GPC5: variants seen among roughly 807,000 people sequenced by gnomAD.
The protein encoded by GPC5 is glypican 5.
In GPC5, 47 loss-of-function variants were observed where a neutral mutation model predicts 53.9. The ratio of observed to expected loss-of-function variants is 0.87; its 90% CI spans 0.69 to 1.11. GPC5 has a LOEUF of 1.11. Among genes scored for constraint, GPC5 ranks in the 50% most tolerant of loss-of-function variants. The probability of loss-of-function intolerance (pLI) is 0.00; values close to 1 mark genes in which losing one functional copy is unlikely to be tolerated. For synonymous variants in GPC5, 286 were observed against 263.3 expected, an observed-to-expected ratio of 1.09 and a Z score of -0.84; for missense variants, 748 against 713.1, an observed-to-expected ratio of 1.05 and a Z score of -0.56.
chr13:91,492,536 T>C (rs562500007), intron 2 of GPC5, among the ~76,000 whole-genome samples: 1 of 152,230 alleles, frequency 6.6e-6, no homozygotes, highest in African/African-American at 2.4e-5. Context: ...AGAGACTGAG[T>C]TCGCCTTTTT....
chr13:91,770,743 C>T lies in GPC5; in HGVS notation c.1280+14323C>T, dbSNP rs1013630393. Among the ~76,000 whole-genome samples, 19 of 83,848 alleles carry T rather than the reference C, an allele frequency of 2.3e-4. No homozygotes were observed. In the East Asian group the frequency reaches 2.8e-3, roughly 12 times the overall value. 55.0% of individuals were successfully genotyped at this position (83,848 alleles called of 152,430 possible). ...GTGTGTGTGTGTGTGTGTGTGTATG[C>T]ATATGCATATTTCTTATTTCACACA... On this transcript the variant is annotated intron_variant, in intron 5 of 7. Transcript: ENST00000377067.
chr13:91,693,242 CA>C lies in GPC5; in HGVS notation c.382del (p.Ser128ValfsTer36). On this transcript the variant is annotated frameshift_variant, in exon 3 of 8. Transcript: ENST00000377067. LOFTEE classifies it high-confidence loss of function. ...AAAATTACACCAGTATACTTTTTTG[CA>C]GTACCTACAGGAACATGGCCTTGGA... The part of the protein sequence containing the change: ...AENYTSILFC[S>X]TYRNMALEAA... The C allele has an allele frequency of 1.2e-6, 2 of 1,612,890 alleles. No individual in the cohort carries two copies. Among genetic ancestry groups the C allele is most frequent in the Non-Finnish European group, 1.7e-6 (2 of 1,179,682 alleles).
intron 1 of GPC5, among the ~76,000 whole-genome samples, chr13:91,413,728 A>G (rs1052359849): frequency 3.3e-5 from 5 of 152,154 alleles, no homozygotes; most frequent in African/African-American, 1.2e-4. Context: ...TATCCTGATC[A>G]TCTTGGCTCT....
At chr13:91,596,627 A>T (rs1426965858) in intron 2 of GPC5, among the ~76,000 whole-genome samples, 1 of 151,918 alleles carries the variant, frequency 6.6e-6, no homozygotes, top group Non-Finnish European at 1.5e-5. Flanking sequence ...TTGTTCTGGG[A>T]TACAGTTAAG....
At chr13:92,142,608 A>T (rs2138980758) in intron 6 of GPC5, among the ~76,000 whole-genome samples, 1 of 152,340 alleles carries the variant, frequency 6.6e-6, no homozygotes, top group Non-Finnish European at 1.5e-5. Flanking sequence ...ATCACTTTCA[A>T]CCAAAATCAA....
chr13:92,126,542 C>T (rs148736289), intron 6 of GPC5, among the ~76,000 whole-genome samples: 9 of 152,088 alleles, frequency 5.9e-5, no homozygotes, highest in African/African-American at 1.7e-4. Context: ...GCTGATGGGC[C>T]GAATCTAGTC....
chr13:92,822,679 G>T (rs1877714085), intron 7 of GPC5, among the ~76,000 whole-genome samples: 1 of 152,072 alleles, frequency 6.6e-6, no homozygotes, highest in African/African-American at 2.4e-5. Context: ...TGTTTCCCAA[G>T]GCAATAGCAT....
At chr13:91,994,274 C>T (rs1032883511) in intron 6 of GPC5, among the ~76,000 whole-genome samples, 1 of 152,214 alleles carries the variant, frequency 6.6e-6, no homozygotes, top group African/African-American at 2.4e-5. Flanking sequence ...GCATCTAACA[C>T]ATGCACTTAC....
intron 2 of GPC5, among the ~76,000 whole-genome samples, chr13:91,542,850 ATTTTTTT>A (rs3055888): frequency 2.9e-5 from 2 of 68,228 alleles, no homozygotes; most frequent in African/African-American, 1.1e-4. Flanking sequence ...TGCCCAGCCA[ATTTTTTT>A]TTTTTTTTTT....
intron 7 of GPC5, among the ~76,000 whole-genome samples, chr13:92,596,611 C>T (rs1883890479): frequency 6.6e-6 from 1 of 151,960 alleles, no homozygotes; most frequent in African/African-American, 2.4e-5. Context: ...GTAGCTGGGA[C>T]AACATGCGCA....
chr13:92,506,226 T>C (rs1277716523), intron 7 of GPC5, among the ~76,000 whole-genome samples: 1 of 152,126 alleles, frequency 6.6e-6, no homozygotes, highest in East Asian at 1.9e-4. Flanking sequence ...ATAAAGGCTG[T>C]CTCTGAGGAC....
chr13:91,854,169 A>G (rs2038943189), intron 5 of GPC5, among the ~76,000 whole-genome samples: 1 of 151,922 alleles, frequency 6.6e-6, no homozygotes, highest in African/African-American at 2.4e-5. Context: ...CAGTTATAGT[A>G]TGAATAGTTC....
At chr13:92,532,262 A>G (rs568923462) in intron 7 of GPC5, among the ~76,000 whole-genome samples, 2 of 152,270 alleles carry the variant, frequency 1.3e-5, no homozygotes, top group East Asian at 3.9e-4. Context: ...AATCATACAC[A>G]TAACTCAAAC....
chr13:92,206,606 C>G (rs2042339713), intron 7 of GPC5, among the ~76,000 whole-genome samples: 1 of 151,992 alleles, frequency 6.6e-6, no homozygotes. Context: ...TTTGTTTTTC[C>G]TCAGACCAGT....
intron 5 of GPC5, among the ~76,000 whole-genome samples, chr13:91,854,776 G>T (rs1308321414): frequency 1.3e-5 from 2 of 151,582 alleles, no homozygotes; most frequent in African/African-American, 4.8e-5. Flanking sequence ...AAACATTTTT[G>T]TAAAATGTTT....
At chr13:91,526,133 GATCTGA>G (rs760513290) in intron 2 of GPC5, among the ~76,000 whole-genome samples, 3 of 152,144 alleles carry the variant, frequency 2.0e-5, no homozygotes, top group Non-Finnish European at 2.9e-5. Flanking sequence ...TTCCAAATAC[GATCTGA>G]ATTTGGTCAT....
At chr13:92,577,401 T>A (rs1883220346) in intron 7 of GPC5, among the ~76,000 whole-genome samples, 1 of 148,508 alleles carries the variant, frequency 6.7e-6, no homozygotes, top group South Asian at 2.1e-4. Context: ...CATGAATGAA[T>A]GTAAGTATGT....
chr13:92,213,195 A>G (rs1435575642), intron 7 of GPC5, among the ~76,000 whole-genome samples: 3 of 152,334 alleles, frequency 2.0e-5, no homozygotes, highest in Admixed American at 2.0e-4. Context: ...CCTTTAGTTA[A>G]CAGATGTTCC....
chr13:91,462,058 A>C (rs1319290797), intron 2 of GPC5, among the ~76,000 whole-genome samples: 3 of 152,288 alleles, frequency 2.0e-5, no homozygotes, highest in Non-Finnish European at 4.4e-5. Flanking sequence ...TTAAATTGCT[A>C]TGTTTTGACT....
Sources: allele counts gnomAD v4.1 joint callset (sites outside exome capture counted in the v4.1 genomes callset), GRCh38; gene constraint gnomAD v4.1.1; transcripts MANE v1.5; gene names NCBI Gene and HGNC (gene_info 2026-07-23, HGNC 2026-07-21).